CAST: variants seen among roughly 807,000 people sequenced by gnomAD.
The protein encoded by CAST is MIR583 host.
In CAST, 76 loss-of-function variants were observed where a neutral mutation model predicts 119.6. That is an observed-to-expected ratio of 0.64 (90% CI 0.53 to 0.77). The LOEUF (loss-of-function observed/expected upper bound fraction) is 0.77, where lower values mean the gene tolerates loss of function less well. Among genes scored for constraint, CAST ranks in the 30% least tolerant of loss-of-function variants. The pLI is 0.00. For synonymous variants in CAST, 319 were observed against 331.6 expected (o/e 0.96, Z 0.41); for missense variants, 953 against 946.5 (o/e 1.01, Z -0.09).
At chr5:96,225,225 T>C in the CAST span, among the ~76,000 whole-genome samples, 1 of 152,234 alleles carries the variant, frequency 6.6e-6, no homozygotes, top group Non-Finnish European at 1.5e-5. Context: ...GCTATTTGTT[T>C]TTTTCCTTCC....
At chr5:96,009,587 T>G in the CAST span, among the ~76,000 whole-genome samples, 1 of 152,188 alleles carries the variant, frequency 6.6e-6, no homozygotes, top group Non-Finnish European at 1.5e-5. Flanking sequence ...TGGCTACCTA[T>G]ATGTCTTCTT....
At chr5:96,278,554 AC>A in the CAST span, 5 of 152,302 alleles carry the variant, frequency 3.3e-5, no homozygotes, top group African/African-American at 1.2e-4. Context: ...ATATTTTACA[AC>A]TTAAAGTGAT....
the CAST span, among the ~76,000 whole-genome samples, chr5:96,059,706 C>T: frequency 3.9e-5 from 6 of 152,170 alleles, no homozygotes; most frequent in East Asian, 1.9e-4. Flanking sequence ...GGTCACTTCA[C>T]GGGGCTCTGA....
the CAST span, among the ~76,000 whole-genome samples, chr5:96,387,470 G>T: frequency 6.6e-6 from 1 of 152,180 alleles, no homozygotes; most frequent in African/African-American, 2.4e-5. Context: ...GACCTCATAA[G>T]TGGGCTTTCT....
chr5:96,726,831 T>C lies in CAST; in HGVS notation c.308T>C (p.Leu103Pro). 2 of 1,613,648 alleles carry C rather than the reference T, an allele frequency of 1.2e-6. No individual in the cohort carries two copies. Among genetic ancestry groups the C allele is most frequent in the Non-Finnish European group, 1.7e-6 (2 of 1,179,674 alleles). Residue 103 changes from leucine (L) to proline (P), a missense_variant, in exon 5 of 32, where the codon CTT (leucine) becomes CCT (proline). Leu to Pro is a moderately conservative substitution (Grantham distance 98, BLOSUM62 -3). Coordinates refer to ENST00000675179, the MANE Select transcript of CAST (RefSeq NM_001750.7). Reference sequence around the variant, plus strand: ...AGCCAACAGATGGAAGGACCACATCTTCCTAACAAGAAAAAACACAAAAAA... The same window carrying C: ...AGCCAACAGATGGAAGGACCACATCCTCCTAACAAGAAAAAACACAAAAAA... Reference protein sequence around the residue: ...PVSQQMEGPHLPNKKKHKKQA... With the variant: ...PVSQQMEGPHPPNKKKHKKQA...
chr5:96,303,590 C>G, the CAST span, among the ~76,000 whole-genome samples: 1 of 152,070 alleles, frequency 6.6e-6, no homozygotes, highest in Admixed American at 6.6e-5. Context: ...AGGTATTTCT[C>G]CTAATGCTAT....
At chr5:96,134,191 A>T in the CAST span, among the ~76,000 whole-genome samples, 2,653 of 152,286 alleles carry the variant, frequency 0.017, 277 homozygotes, top group East Asian at 0.31. Flanking sequence ...GCTCATGTGA[A>T]TTTTTTGTTT....
At chr5:96,019,209 TACC>T in the CAST span, among the ~76,000 whole-genome samples, 8 of 152,182 alleles carry the variant, frequency 5.3e-5, no homozygotes, top group Admixed American at 2.6e-4. Context: ...GGATCACAGT[TACC>T]CACAATCCCA....
the CAST span, among the ~76,000 whole-genome samples, chr5:96,004,862 G>C: frequency 6.6e-6 from 1 of 152,088 alleles, no homozygotes; most frequent in African/African-American, 2.4e-5. Flanking sequence ...TGAATGAAGA[G>C]ACCCTTGTAA....
intron 1 of CAST, among the ~76,000 whole-genome samples, chr5:96,576,051 C>T (rs994455803): frequency 6.6e-6 from 1 of 152,174 alleles, no homozygotes; most frequent in African/African-American, 2.4e-5. Flanking sequence ...CTTGCATACC[C>T]AGAATAAGTC....
upstream of CAST, among the ~76,000 whole-genome samples, chr5:96,660,637 C>T (rs1418192472): frequency 6.6e-6 from 1 of 152,100 alleles, no homozygotes; most frequent in Non-Finnish European, 1.5e-5. Context: ...TATGTAGGCT[C>T]CCCAGTAAGA....
the CAST span, among the ~76,000 whole-genome samples, chr5:96,273,962 G>T: frequency 6.6e-6 from 1 of 152,078 alleles, no homozygotes; most frequent in Non-Finnish European, 1.5e-5. Context: ...TTTTAAAAAT[G>T]CATATTCACC....
the CAST span, among the ~76,000 whole-genome samples, chr5:96,249,026 A>T: frequency 7.6e-3 from 1,151 of 152,312 alleles, 11 homozygotes; most frequent in African/African-American, 0.025. Flanking sequence ...TGGCCTTATA[A>T]TCCCTCACTA....
chr5:96,090,288 GCTTA>G, the CAST span, among the ~76,000 whole-genome samples: 1 of 152,112 alleles, frequency 6.6e-6, no homozygotes, highest in African/African-American at 2.4e-5. Context: ...AGGTTCTATG[GCTTA>G]CTAAGTTAAA....
At chr5:96,267,656 T>A in the CAST span, among the ~76,000 whole-genome samples, 1 of 152,070 alleles carries the variant, frequency 6.6e-6, no homozygotes, top group African/African-American at 2.4e-5. Context: ...ACCAGACCTG[T>A]CTTATAAGAA....
chr5:96,011,929 A>G, the CAST span, among the ~76,000 whole-genome samples: 1 of 152,224 alleles, frequency 6.6e-6, no homozygotes, highest in African/African-American at 2.4e-5. Flanking sequence ...CCTAGAATGC[A>G]TAGTACATTT....
At chr5:96,414,558 GTAA>G in the CAST span, among the ~76,000 whole-genome samples, 1 of 152,130 alleles carries the variant, frequency 6.6e-6, no homozygotes, top group Non-Finnish European at 1.5e-5. Context: ...AAGATTATTG[GTAA>G]AAAATGCATT....
At chr5:96,765,909 T>G (rs1769771644) in intron 26 of CAST, 144 bp from the exon 27 acceptor site, 1 of 569,308 alleles carries the variant, frequency 1.8e-6, no homozygotes. Context: ...GTCATCTGTG[T>G]TGTTCTGTTG....
the CAST span, among the ~76,000 whole-genome samples, chr5:96,238,931 T>G: frequency 6.6e-6 from 1 of 152,184 alleles, no homozygotes; most frequent in East Asian, 1.9e-4. Context: ...TGTGGGTTTC[T>G]AGACATAGAA....
Sources: gnomAD v4.1 joint callset for allele counts (sites outside exome capture counted in the v4.1 genomes callset) on GRCh38, gnomAD v4.1.1 for gene constraint, MANE v1.5 for transcripts, NCBI Gene and HGNC (gene_info 2026-07-23, HGNC 2026-07-21) for gene names.